ERO1B: variants seen among roughly 807,000 people sequenced by gnomAD.
The protein encoded by ERO1B is ERO1-like protein beta.
ERO1B carries 49 observed loss-of-function variants against 75.3 expected under a neutral mutation model. The observed-to-expected ratio is 0.65, with a 90% confidence interval of 0.52 to 0.83. ERO1B has a LOEUF of 0.83. ERO1B is among the 40% of genes least tolerant of loss of function. The pLI, the probability that ERO1B is intolerant of heterozygous loss-of-function variation, is 0.00. For missense variants in ERO1B, 512 were observed against 560.1 expected, an observed-to-expected ratio of 0.91 and a Z score of 0.87; for synonymous variants, 191 against 192.9, an observed-to-expected ratio of 0.99 and a Z score of 0.08.
chr1:236,248,121 T>G (rs1347559738), intron 5 of ERO1B, among the ~76,000 whole-genome samples: 3 of 152,218 alleles, frequency 2.0e-5, no homozygotes, highest in Non-Finnish European at 4.4e-5. Context: ...ATTACGCTAC[T>G]GGATTCCTAG....
In ERO1B at chr1:236,217,834, T is replaced by C. The variant is rs1473593396; in HGVS notation, c.*682A>G. 1.3e-5 allele frequency: 2 copies of C among 151,968 alleles called. No homozygotes were observed. The highest frequency in any genetic ancestry group is 2.9e-5 in the Non-Finnish European group (2 of 67,976). 9.4% of individuals were successfully genotyped at this position (151,968 alleles called of 1,614,324 possible). On this transcript the variant is annotated 3_prime_UTR_variant, in exon 16 of 16. Transcript: ENST00000354619. ...CTGGCTGGGTAGCATAGGGGAGAGG[T>C]CTTGTTCACCTTTACCAAAGGAGGT...
In ERO1B at chr1:236,276,738, G is replaced by T. The variant is rs535719482; in HGVS notation, c.102+4944C>A. 8.5e-5 allele frequency among the ~76,000 whole-genome samples: 13 copies of T among 152,262 alleles called. No individual in the cohort carries two copies. The South Asian group carries it at 2.7e-3, about 32-fold the overall frequency. On this transcript the variant is annotated intron_variant, in intron 1 of 15. Coordinates refer to ENST00000354619, the MANE Select transcript of ERO1B (RefSeq NM_019891.4). ...ATCTAACTCTTGAATTTTCTAGAGG[G>T]AACAGAAAAAATAGGCAAAGGCAGA...
chr1:236,253,611 A>G, intron 2 of ERO1B, 106 bp from the exon 3 acceptor site: 1 of 724,762 alleles, frequency 1.4e-6, no homozygotes. Flanking sequence ...AAGAAGGAAT[A>G]CTTCCTATCC....
chr1:236,251,480 AGAGC>A (rs1238629811), intron 4 of ERO1B: 9 of 980,684 alleles, frequency 9.2e-6, no homozygotes, highest in Non-Finnish European at 1.1e-5. Context: ...CACGGGAGAG[AGAGC>A]AAGAAGAAAA....
intron 2 of ERO1B, among the ~76,000 whole-genome samples, chr1:236,265,293 A>G (rs780348827): frequency 6.6e-6 from 1 of 152,220 alleles, no homozygotes; most frequent in Non-Finnish European, 1.5e-5. Flanking sequence ...TCAGGAGCAC[A>G]TATTGAATTT....
intron 1 of ERO1B, among the ~76,000 whole-genome samples, chr1:236,280,238 A>G (rs1032376661): frequency 1.3e-5 from 2 of 152,270 alleles, no homozygotes; most frequent in African/African-American, 4.8e-5. Flanking sequence ...AATATGTGCT[A>G]TATAAAAAGA....
intron 1 of ERO1B, 106 bp downstream of exon 1, chr1:236,281,576 T>C (rs1032965684): frequency 1.2e-5 from 3 of 260,752 alleles, no homozygotes; most frequent in African/African-American, 1.1e-4. Context: ...TCACCTCTTT[T>C]CTGGCCCGGC....
intron 2 of ERO1B, among the ~76,000 whole-genome samples, chr1:236,268,499 GGATA>G (rs1318273121): frequency 1.3e-5 from 2 of 152,074 alleles, no homozygotes; most frequent in Admixed American, 6.5e-5. Context: ...AAAGACACAT[GGATA>G]GATAGATAGA....
At chr1:236,270,415 C>A (rs1008939885) in intron 1 of ERO1B, among the ~76,000 whole-genome samples, 1 of 152,122 alleles carries the variant, frequency 6.6e-6, no homozygotes, top group African/African-American at 2.4e-5. Flanking sequence ...GTATTAAGAG[C>A]TTTATATTAT....
At chr1:236,238,662 C>T (rs1400358643) in intron 6 of ERO1B, among the ~76,000 whole-genome samples, 2 of 150,748 alleles carry the variant, frequency 1.3e-5, no homozygotes, top group Non-Finnish European at 2.9e-5. Flanking sequence ...ATCTGCAAAA[C>T]TGAATTATAT....
chr1:236,272,181 T>G (rs1431165108), intron 1 of ERO1B, among the ~76,000 whole-genome samples: 1 of 152,316 alleles, frequency 6.6e-6, no homozygotes, highest in Non-Finnish European at 1.5e-5. Context: ...AACCATCATT[T>G]GACCCTGCAA....
At chr1:236,221,264 T>G (rs533516056) in intron 14 of ERO1B, among the ~76,000 whole-genome samples, 3 of 152,168 alleles carry the variant, frequency 2.0e-5, no homozygotes, top group African/African-American at 7.2e-5. Context: ...AATGTTCAAT[T>G]TGTAACCATA....
rs1572024452 is a variant in ERO1B, at chr1:236,217,457, G to A, written c.*1059C>T. The A allele has an allele frequency of 6.6e-6, 1 of 152,570 alleles. No individual in the cohort carries two copies. Among genetic ancestry groups the A allele is most frequent in the African/African-American group, 2.4e-5 (1 of 41,532 alleles). The allele number at this position is 152,570 out of a possible 1,614,324, so 9.5% of individuals were successfully genotyped here. A position where few individuals can be genotyped will look rare whatever the true frequency, so the allele number is the denominator to read the frequency against. Reference sequence around the variant, plus strand: ...GTGAGGGGAGAGTAAGCTTAAAGGAGGGTTGACCTAATCTACCTTTTTATA... The same window carrying A: ...GTGAGGGGAGAGTAAGCTTAAAGGAAGGTTGACCTAATCTACCTTTTTATA... On this transcript the variant is annotated 3_prime_UTR_variant, in exon 16 of 16. Transcript: ENST00000354619.
intron 2 of ERO1B, among the ~76,000 whole-genome samples, chr1:236,258,546 G>T (rs2477595): frequency 2.0e-5 from 3 of 151,978 alleles, no homozygotes; most frequent in Non-Finnish European, 4.4e-5. Flanking sequence ...AATGCTAAAA[G>T]GATCCTTCAA....
At chr1:236,232,762 T>C (rs1664439732) in intron 9 of ERO1B, 66 bp downstream of exon 9, 14 of 1,491,814 alleles carry the variant, frequency 9.4e-6, no homozygotes, top group East Asian at 2.3e-5. Flanking sequence ...AAAGGAAAAA[T>C]CAAATTCTGA....
intron 8 of ERO1B, among the ~76,000 whole-genome samples, chr1:236,233,121 C>CT (rs1298182086): frequency 6.6e-6 from 1 of 151,716 alleles, no homozygotes; most frequent in Non-Finnish European, 1.5e-5. Context: ...ACCAGCCTGG[C>CT]CAACATGTGA....
chr1:236,220,010 C>A (rs1416744906), intron 15 of ERO1B, among the ~76,000 whole-genome samples: 1 of 123,874 alleles, frequency 8.1e-6, no homozygotes, highest in Non-Finnish European at 1.6e-5. Context: ...GATGACAGAG[C>A]GAGACCCTCA....
intron 10 of ERO1B, among the ~76,000 whole-genome samples, chr1:236,229,307 C>T (rs1278585823): frequency 1.3e-5 from 2 of 151,910 alleles, no homozygotes; most frequent in Non-Finnish European, 1.5e-5. Context: ...TGCCTGTAAT[C>T]CCAGCTATTT....
intron 2 of ERO1B, among the ~76,000 whole-genome samples, chr1:236,261,964 C>A (rs1397859187): frequency 1.7e-5 from 2 of 120,810 alleles, no homozygotes; most frequent in East Asian, 3.3e-4. Flanking sequence ...CAAAAACAAA[C>A]AAACAAAAAA....
Sources: allele counts gnomAD v4.1 joint callset (sites outside exome capture counted in the v4.1 genomes callset), GRCh38; gene constraint gnomAD v4.1.1; transcripts MANE v1.5; gene names NCBI Gene and HGNC (gene_info 2026-07-23, HGNC 2026-07-21).